PCDH15: variants seen among roughly 807,000 people sequenced by gnomAD.
PCDH15 encodes the protein protocadherin related 15.
A neutral mutation model predicts 178.5 loss-of-function variants in PCDH15; 129 were observed. The ratio of observed to expected loss-of-function variants is 0.72; its 90% CI spans 0.63 to 0.84. PCDH15 has a LOEUF of 0.84. Ranked by LOEUF, PCDH15 falls within the 40% of genes least tolerant of loss-of-function variation. The pLI is 0.00. For missense variants in PCDH15, 2,230 were observed against 2,099.9 expected, an observed-to-expected ratio of 1.06 and a Z score of -1.21; for synonymous variants, 800 against 732.0, an observed-to-expected ratio of 1.09 and a Z score of -1.50.
chr10:54,188,982 G>A (rs2048722451), intron 11 of PCDH15, among the ~76,000 whole-genome samples: 1 of 151,858 alleles, frequency 6.6e-6, no homozygotes, highest in Non-Finnish European at 1.5e-5. Flanking sequence ...TGAGTATTTA[G>A]TTCAAAAAAA....
chr10:53,806,517 A>G lies in PCDH15; in HGVS notation c.*62T>C. 2.2e-6 allele frequency: 3 copies of G among 1,345,274 alleles called. No homozygotes were observed. The highest frequency in any genetic ancestry group is 3.0e-6 in the Non-Finnish European group (3 of 990,720). The allele number at this position is 1,345,274 out of a possible 1,614,324, so 83.3% of individuals were successfully genotyped here. The stretch of plus-strand genomic sequence containing the variant: ...CATACATTGTTTTCTCAGTGACAAT[A>G]AAAAGCACAGTTTATTAAAAATGTA... On this transcript the variant is annotated 3_prime_UTR_variant, in exon 38 of 38. Transcript: ENST00000644397.
intron 35 of PCDH15, among the ~76,000 whole-genome samples, chr10:53,815,330 G>A (rs912955859): frequency 3.9e-5 from 6 of 152,052 alleles, no homozygotes; most frequent in Admixed American, 3.9e-4. Flanking sequence ...GTTGAGCTAG[G>A]AACTTACACA....
intron 2 of PCDH15, among the ~76,000 whole-genome samples, chr10:55,111,043 A>T (rs552051850): frequency 2.7e-4 from 41 of 152,298 alleles, no homozygotes; most frequent in African/African-American, 9.9e-4. Context: ...TTAGTAACAA[A>T]GTCAATGTCA....
intron 5 of PCDH15, among the ~76,000 whole-genome samples, chr10:54,355,285 T>A (rs1007733383): frequency 1.2e-4 from 19 of 152,036 alleles, no homozygotes; most frequent in Admixed American, 1.2e-3. Context: ...TGCCTGATGT[T>A]ATTATTCTAA....
intron 19 of PCDH15, among the ~76,000 whole-genome samples, chr10:54,021,527 C>CCCT (rs1346979920): frequency 6.6e-6 from 1 of 151,860 alleles, no homozygotes; most frequent in East Asian, 1.9e-4. Flanking sequence ...AGCCCCTCAC[C>CCCT]CCTCACACTT....
intron 2 of PCDH15, among the ~76,000 whole-genome samples, chr10:55,618,025 A>G (rs2132167173): frequency 6.6e-6 from 1 of 152,208 alleles, no homozygotes. Flanking sequence ...GTGTTTATAG[A>G]AAGAAATACA....
intron 2 of PCDH15, among the ~76,000 whole-genome samples, chr10:54,932,919 C>A (rs1837819085): frequency 6.6e-6 from 1 of 152,080 alleles, no homozygotes; most frequent in Admixed American, 6.6e-5. Context: ...ACCCACTCAC[C>A]CAGAGCAACT....
At chr10:55,379,626 T>C (rs1020196996) in intron 2 of PCDH15, among the ~76,000 whole-genome samples, 1 of 151,976 alleles carries the variant, frequency 6.6e-6, no homozygotes, top group Non-Finnish European at 1.5e-5. Context: ...TATTTAGCTG[T>C]AAATACTTAT....
chr10:55,526,829 T>TA (rs1255831126), intron 2 of PCDH15, among the ~76,000 whole-genome samples: 3 of 152,034 alleles, frequency 2.0e-5, no homozygotes, highest in Non-Finnish European at 4.4e-5. Flanking sequence ...TCAGAGTAGG[T>TA]ATTAGGTCAC....
chr10:54,294,328 G>A (rs1338469221), intron 8 of PCDH15, among the ~76,000 whole-genome samples: 1 of 151,874 alleles, frequency 6.6e-6, no homozygotes, highest in African/African-American at 2.4e-5. Context: ...GTGGGGGGCT[G>A]GGGAAGGGAT....
chr10:54,395,298 C>A (rs541472629), intron 3 of PCDH15, among the ~76,000 whole-genome samples: 1 of 152,044 alleles, frequency 6.6e-6, no homozygotes, highest in East Asian at 1.9e-4. Context: ...TCACAATCTA[C>A]GTTCTTCTGC....
chr10:55,433,926 T>C (rs991297663), intron 2 of PCDH15, among the ~76,000 whole-genome samples: 1 of 152,124 alleles, frequency 6.6e-6, no homozygotes, highest in Non-Finnish European at 1.5e-5. Flanking sequence ...CTGTTGTATA[T>C]GAAGTCCTCA....
chr10:55,026,945 T>A (rs562946362), intron 2 of PCDH15, among the ~76,000 whole-genome samples: 1 of 151,882 alleles, frequency 6.6e-6, no homozygotes, highest in African/African-American at 2.4e-5. Flanking sequence ...ATTAAAGCCA[T>A]TATAGTCCAA....
rs567259220 is a variant in PCDH15 at position 54,528,470 on chromosome 10, G to T, written c.92-593C>A. 262 of 1,212,308 alleles carry T rather than the reference G, an allele frequency of 2.2e-4. 1 individual carries two copies. Among genetic ancestry groups the T allele is most frequent in the Non-Finnish European group, 2.9e-4 (247 of 851,858 alleles). The allele number at this position is 1,212,308 out of a possible 1,614,324, so 75.1% of individuals were successfully genotyped here. A position where few individuals can be genotyped will look rare whatever the true frequency, so the allele number is the denominator to read the frequency against. ...AAAATGGAAGAAAGAAAGGAAGAGA[G>T]AATATATGTATATATTTAGTGAGAG... On this transcript the variant is annotated intron_variant, in intron 2 of 37. Coordinates refer to ENST00000644397, the MANE Select transcript of PCDH15 (RefSeq NM_001384140.1).
At chr10:54,814,511 G>C (rs1444633956) in intron 3 of PCDH15, among the ~76,000 whole-genome samples, 2 of 152,108 alleles carry the variant, frequency 1.3e-5, no homozygotes, top group African/African-American at 2.4e-5. Flanking sequence ...AGAACAGAAA[G>C]CTGAGTTCAG....
At chr10:53,840,591 AATG>A in intron 28 of PCDH15, 95 bp from the exon 29 acceptor site, 1 of 1,152,752 alleles carries the variant, frequency 8.7e-7, no homozygotes, top group Non-Finnish European at 1.3e-6. Flanking sequence ...GTAAATGAAA[AATG>A]ATGACAGCCT....
chr10:54,516,540 C>T (rs1442832864), intron 3 of PCDH15, among the ~76,000 whole-genome samples: 1 of 152,044 alleles, frequency 6.6e-6, no homozygotes, highest in African/African-American at 2.4e-5. Context: ...AACAAAGCCT[C>T]CAAGAAATAT....
chr10:55,146,031 G>T (rs936597355), intron 2 of PCDH15, among the ~76,000 whole-genome samples: 10 of 31,582 alleles, frequency 3.2e-4, no homozygotes, highest in African/African-American at 5.7e-4. Flanking sequence ...AGAAATTTTC[G>T]AACTCAGCTT....
chr10:55,068,057 G>A (rs539899759), intron 2 of PCDH15, among the ~76,000 whole-genome samples: 6 of 152,046 alleles, frequency 3.9e-5, no homozygotes, highest in East Asian at 1.9e-4. Flanking sequence ...CAGTCTGTTA[G>A]TTTGGCTGTG....
Sources: gnomAD v4.1 joint callset for allele counts (sites outside exome capture counted in the v4.1 genomes callset) on GRCh38, gnomAD v4.1.1 for gene constraint, MANE v1.5 for transcripts, NCBI Gene and HGNC (gene_info 2026-07-23, HGNC 2026-07-21) for gene names.